Variants in SEMA3E observed in about 807,000 individuals in gnomAD.
SEMA3E encodes semaphorin-3E.
In SEMA3E, 49 loss-of-function variants were observed where a neutral mutation model predicts 93.6. The ratio of observed to expected loss-of-function variants is 0.52; its 90% CI spans 0.42 to 0.66. SEMA3E has a LOEUF of 0.66. Ranked by LOEUF, SEMA3E falls within the 30% of genes least tolerant of loss-of-function variation. The pLI is 0.00. For synonymous variants in SEMA3E, 363 were observed against 330.7 expected (o/e 1.10, Z -1.06); for missense variants, 906 against 964.8 (o/e 0.94, Z 0.81).
At chr7:83,608,123 G>C (rs1268972334) in intron 1 of SEMA3E, among the ~76,000 whole-genome samples, 1 of 152,004 alleles carries the variant, frequency 6.6e-6, no homozygotes, top group South Asian at 2.1e-4. Flanking sequence ...TGAGGCAGGA[G>C]AAGTACTTGA....
intron 16 of SEMA3E, among the ~76,000 whole-genome samples, chr7:83,375,029 C>T (rs1794801942): frequency 6.6e-6 from 1 of 151,950 alleles, no homozygotes; most frequent in African/African-American, 2.4e-5. Flanking sequence ...AACCAATAAA[C>T]TAAGTTTGTA....
intron 1 of SEMA3E, among the ~76,000 whole-genome samples, chr7:83,618,543 T>C (rs1427145746): frequency 6.6e-6 from 1 of 152,012 alleles, no homozygotes; most frequent in African/African-American, 2.4e-5. Flanking sequence ...ATATACAAAG[T>C]CTGTTGCCTC....
chr7:83,386,816 G>A (rs1433425356), intron 15 of SEMA3E, among the ~76,000 whole-genome samples, 167 bp downstream of exon 15: 1 of 152,096 alleles, frequency 6.6e-6, no homozygotes, highest in Admixed American at 6.6e-5. Context: ...GTAAAAATTA[G>A]TCAAATTTTC....
At chr7:83,431,438 G>T (rs922820162) in intron 4 of SEMA3E, among the ~76,000 whole-genome samples, 2 of 151,916 alleles carry the variant, frequency 1.3e-5, no homozygotes, top group African/African-American at 2.4e-5. Flanking sequence ...TATGATTAAG[G>T]GTTATCATAT....
chr7:83,494,208 C>A (rs778194764), intron 1 of SEMA3E, among the ~76,000 whole-genome samples: 1 of 151,414 alleles, frequency 6.6e-6, no homozygotes, highest in Non-Finnish European at 1.5e-5. Context: ...CCGCTAATAT[C>A]TGTTACATTA....
chr7:83,524,842 A>C (rs1405514840), intron 1 of SEMA3E, among the ~76,000 whole-genome samples: 1 of 151,802 alleles, frequency 6.6e-6, no homozygotes, highest in Non-Finnish European at 1.5e-5. Context: ...ACCTTAAAGA[A>C]ATCTCTCCTG....
At chr7:83,526,266 T>C (rs1037946498) in intron 1 of SEMA3E, among the ~76,000 whole-genome samples, 1 of 152,154 alleles carries the variant, frequency 6.6e-6, no homozygotes, top group Non-Finnish European at 1.5e-5. Context: ...AGATGGTTTT[T>C]AAACACATAG....
At chr7:83,578,595 GCACTGACCA>G (rs1792456958) in intron 1 of SEMA3E, among the ~76,000 whole-genome samples, 1 of 151,944 alleles carries the variant, frequency 6.6e-6, no homozygotes, top group Non-Finnish European at 1.5e-5. Context: ...CTATTAAAAG[GCACTGACCA>G]ACACAGAAAA....
chr7:83,533,292 A>G (rs1046298569), intron 1 of SEMA3E, among the ~76,000 whole-genome samples: 7 of 152,156 alleles, frequency 4.6e-5, no homozygotes, highest in African/African-American at 7.2e-5. Context: ...CTGTAATCCC[A>G]ACACTTTGGG....
chr7:83,401,603 A>T (rs1788235670), intron 10 of SEMA3E, among the ~76,000 whole-genome samples: 1 of 152,132 alleles, frequency 6.6e-6, no homozygotes. Flanking sequence ...ATAGAGTGAA[A>T]TAAAATATAC....
intron 9 of SEMA3E, among the ~76,000 whole-genome samples, chr7:83,404,571 T>C (rs1297279121): frequency 6.6e-6 from 1 of 151,966 alleles, no homozygotes; most frequent in East Asian, 1.9e-4. Flanking sequence ...CAAATACTGA[T>C]TCTAATATTT....
At chr7:83,552,162 C>A (rs1791779985) in intron 1 of SEMA3E, among the ~76,000 whole-genome samples, 1 of 152,184 alleles carries the variant, frequency 6.6e-6, no homozygotes, top group African/African-American at 2.4e-5. Flanking sequence ...TAGGTTACTG[C>A]CGTCCTACAT....
At chr7:83,490,059 T>G (rs1160865787) in intron 2 of SEMA3E, 55 bp downstream of exon 2, 12 of 1,560,038 alleles carry the variant, frequency 7.7e-6, no homozygotes, top group African/African-American at 1.4e-5. Flanking sequence ...AGTAACATTC[T>G]TGAAATTTCC....
chr7:83,522,889 C>T (rs1417707537), intron 1 of SEMA3E, among the ~76,000 whole-genome samples: 5 of 152,052 alleles, frequency 3.3e-5, no homozygotes, highest in Admixed American at 3.3e-4. Context: ...CACTTGAATT[C>T]CCACTTTTTT....
intron 1 of SEMA3E, among the ~76,000 whole-genome samples, chr7:83,608,471 T>G (rs1293656017): frequency 6.6e-6 from 1 of 152,156 alleles, no homozygotes; most frequent in Non-Finnish European, 1.5e-5. Context: ...TTTTAAAGTT[T>G]TTGTCCAGAG....
chr7:83,481,113 A>G (rs1207045480), intron 2 of SEMA3E, among the ~76,000 whole-genome samples: 1 of 152,176 alleles, frequency 6.6e-6, no homozygotes, highest in Non-Finnish European at 1.5e-5. Flanking sequence ...CAATTTAGAG[A>G]CTTTGAAGCT....
intron 5 of SEMA3E, among the ~76,000 whole-genome samples, chr7:83,414,077 G>T (rs570515565): frequency 1.3e-5 from 2 of 152,308 alleles, no homozygotes; most frequent in Admixed American, 6.5e-5. Flanking sequence ...GCGAGCAGCA[G>T]CATTGGATAA....
At chr7:83,536,666 G>A (rs1191397048) in intron 1 of SEMA3E, among the ~76,000 whole-genome samples, 1 of 151,932 alleles carries the variant, frequency 6.6e-6, no homozygotes, top group African/African-American at 2.4e-5. Flanking sequence ...TTAGCTAAAT[G>A]AATATAAATA....
At position 83,574,654 on chromosome 7, in the gene SEMA3E, C is replaced by T. The variant is rs529224459; in HGVS notation, c.115+73774G>A. On this transcript the variant is annotated intron_variant, in intron 1 of 16. Coordinates refer to ENST00000643230, the MANE Select transcript of SEMA3E (RefSeq NM_012431.3). ...TTTAACCATGTCTGCTCTTGGGGTC[C>T]CCCTTTCTTTCTGTGATTATAATCC... is the stretch of plus-strand genomic sequence containing the variant. Among the ~76,000 whole-genome samples, 5 of 152,170 alleles carry T rather than the reference C, an allele frequency of 3.3e-5. No individual in the cohort carries two copies. In the East Asian group the frequency reaches 9.7e-4, roughly 29 times the overall value.
Sources: gnomAD v4.1 joint callset for allele counts (sites outside exome capture counted in the v4.1 genomes callset) on GRCh38, gnomAD v4.1.1 for gene constraint, MANE v1.5 for transcripts, NCBI Gene and HGNC (gene_info 2026-07-23, HGNC 2026-07-21) for gene names.